The following CEP44 variants were observed in gnomAD, a reference collection of about 807,000 sequenced individuals.
The protein encoded by CEP44 is centrosomal protein 44.
A neutral mutation model predicts 46.7 loss-of-function variants in CEP44; 45 were observed. The observed-to-expected ratio is 0.96, with a 90% CI of 0.76 to 1.24. The LOEUF is 1.24. Ranked by LOEUF, CEP44 falls within the 50% of genes most tolerant of loss-of-function variation. CEP44 has a pLI of 0.00. For missense variants in CEP44, 475 were observed against 459.7 expected (o/e 1.03, Z -0.30); for synonymous variants, 142 against 146.0 (o/e 0.97, Z 0.20).
intron 6 of CEP44, among the ~76,000 whole-genome samples, chr4:174,304,956 T>C (rs1335772216): frequency 1.3e-5 from 2 of 152,238 alleles, no homozygotes; most frequent in Non-Finnish European, 2.9e-5. Flanking sequence ...TAAGGGAGAC[T>C]TAAGCTAAAA....
chr4:174,293,340 C>T (rs1738456948), intron 1 of CEP44, among the ~76,000 whole-genome samples: 1 of 152,158 alleles, frequency 6.6e-6, no homozygotes, highest in Non-Finnish European at 1.5e-5. Context: ...TCTTGGACTC[C>T]AGAAGGATGT....
chr4:174,304,144 C>A, intron 5 of CEP44, 103 bp from the exon 6 acceptor site: 2 of 1,286,714 alleles, frequency 1.6e-6, no homozygotes, highest in Non-Finnish European at 2.1e-6. Flanking sequence ...CATTATTTGT[C>A]AGCTATATTT....
At chr4:174,322,859 A>G (rs1318095101), downstream of CEP44, among the ~76,000 whole-genome samples, 1 of 152,184 alleles carries the variant, frequency 6.6e-6, no homozygotes, top group Non-Finnish European at 1.5e-5. Flanking sequence ...TAAATGTAGA[A>G]TATAGTATGT....
intron 1 of CEP44, among the ~76,000 whole-genome samples, chr4:174,296,522 C>G (rs72621998): frequency 0.18 from 27,167 of 151,924 alleles, 2,966 homozygotes; most frequent in East Asian, 0.58. Context: ...TTTATTTTTG[C>G]CATCATTTTC....
At chr4:174,284,303 G>A in intron 1 of CEP44, 1 of 372,860 alleles carries the variant, frequency 2.7e-6, no homozygotes, top group East Asian at 3.9e-5. Flanking sequence ...TACCCAACTA[G>A]TATATGCTTT....
chr4:174,328,109 AC>A (rs2126703279), intron 8 of CEP44, among the ~76,000 whole-genome samples: 1 of 152,340 alleles, frequency 6.6e-6, no homozygotes, highest in African/African-American at 2.4e-5. Flanking sequence ...AGAAAGCTTA[AC>A]TTAAACTGGC....
chr4:174,285,033 C>G (rs1737417252), intron 1 of CEP44, among the ~76,000 whole-genome samples: 1 of 152,310 alleles, frequency 6.6e-6, no homozygotes, highest in African/African-American at 2.4e-5. Context: ...CTAGAGTACA[C>G]TATTTTCACA....
In CEP44 at chr4:174,326,011, T is replaced by A. The variant is rs975026358; in HGVS notation, c.1087-5471T>A. 1.2e-4 allele frequency among the ~76,000 whole-genome samples: 18 copies of A among 152,162 alleles called. No homozygotes were observed. The highest frequency in any genetic ancestry group is 2.6e-4 in the Non-Finnish European group (18 of 68,012). On this transcript the variant is annotated intron_variant, in intron 8 of 8. Transcript: ENST00000426172. This position sits in a 1 kb window ranked among gnomAD's most constrained non-coding sequence, Gnocchi z 4.8. ...ATAACGTAATTTGGTCTTGCTCTTTTATCAAATCTAAAAATCTCTGGAATG... is the reference window on the plus strand; with the variant it reads ...ATAACGTAATTTGGTCTTGCTCTTTAATCAAATCTAAAAATCTCTGGAATG...
Position 174,286,298 on chromosome 4 carries a change from A to G in CEP44, c.-148+2355A>G, listed in dbSNP as rs531367190. Among the ~76,000 whole-genome samples the G allele has an allele frequency of 6.6e-6, 1 of 152,306 alleles. No individual in the cohort carries two copies. The highest frequency in any genetic ancestry group is 1.9e-4 in the East Asian group (1 of 5,176). On this transcript the variant is annotated intron_variant, in intron 1 of 11. Coordinates refer to ENST00000503780, the MANE Select transcript of CEP44 (RefSeq NM_001040157.3). The surrounding 1 kb of genome is among the most constrained non-coding windows in gnomAD (Gnocchi z 5.2). ...GTGACCTTCTTACCTTTCCTTATTTAAAGATAGAGAAACGGTGTGTAAAGG... is the reference window on the plus strand; with the variant it reads ...GTGACCTTCTTACCTTTCCTTATTTGAAGATAGAGAAACGGTGTGTAAAGG...
Position 174,318,598 on chromosome 4 carries a change from G to A in CEP44, c.*1215G>A. 1 of 765,024 alleles carries A rather than the reference G, an allele frequency of 1.3e-6. No individual in the cohort carries two copies. The highest frequency in any genetic ancestry group is 1.6e-6 in the Non-Finnish European group (1 of 630,224). 47.4% of individuals were successfully genotyped at this position (765,024 alleles called of 1,614,324 possible). On this transcript the variant is annotated 3_prime_UTR_variant, in exon 12 of 12. Transcript: ENST00000503780. ...GAAAATTGACTTCATTATTTGGAAG[G>A]AAAATTAGTATTTTTTTTAATATTA...
chr4:174,310,103 GTTT>G lies in CEP44; in HGVS notation c.885+54_885+56del. ...TATAAAATATCTCAGATATAACAAAGTTTTTTTTTGATTGTTATATGTGTATTT... is the reference window on the plus strand; with the variant it reads ...TATAAAATATCTCAGATATAACAAAGTTTTTTGATTGTTATATGTGTATTT... On this transcript the variant is annotated intron_variant, in intron 8 of 11. Coordinates refer to ENST00000503780, the MANE Select transcript of CEP44 (RefSeq NM_001040157.3). This position sits in a 1 kb window ranked among gnomAD's most constrained non-coding sequence, Gnocchi z 4.2. 6.6e-7 allele frequency: 1 copy of G among 1,517,648 alleles called. No individual in the cohort carries two copies. The highest frequency in any genetic ancestry group is 1.2e-5 in the South Asian group (1 of 80,052). The allele number at this position is 1,517,648 out of a possible 1,614,324, so 94.0% of individuals were successfully genotyped here.
chr4:174,322,276 C>T (rs1193514702), downstream of CEP44, among the ~76,000 whole-genome samples: 1 of 152,054 alleles, frequency 6.6e-6, no homozygotes, highest in Non-Finnish European at 1.5e-5. Flanking sequence ...ATATACTATG[C>T]TTTTCCACTT....
intron 9 of CEP44, among the ~76,000 whole-genome samples, chr4:174,315,946 G>A (rs939269332): frequency 6.6e-6 from 1 of 151,596 alleles, no homozygotes; most frequent in African/African-American, 2.4e-5. Flanking sequence ...TTGCTATCAT[G>A]ATAATAATAC....
chr4:174,299,663 C>G (rs1354274934), intron 3 of CEP44, among the ~76,000 whole-genome samples: 3 of 151,956 alleles, frequency 2.0e-5, no homozygotes, highest in Non-Finnish European at 2.9e-5. Context: ...ACATTTAAGT[C>G]GAGTGTTCTT....
At position 174,288,245 on chromosome 4, in the gene CEP44, T is replaced by G. The variant is rs1384952766; in HGVS notation, c.-148+4302T>G. The stretch of plus-strand genomic sequence containing the variant: ...CTACAAGAAATCAATGCCATCACCT[T>G]GAAAAGTTTCCTTCTACTCATCTTT... On this transcript the variant is annotated intron_variant, in intron 1 of 11. Transcript: ENST00000503780. This position sits in a 1 kb window ranked among gnomAD's most constrained non-coding sequence, Gnocchi z 4.6. Among the ~76,000 whole-genome samples the G allele has an allele frequency of 6.6e-6, 1 of 152,234 alleles. No homozygotes were observed. Among genetic ancestry groups the G allele is most frequent in the Non-Finnish European group, 1.5e-5 (1 of 68,028 alleles).
At chr4:174,300,918 C>G (rs530308667) in intron 3 of CEP44, among the ~76,000 whole-genome samples, 1 of 151,662 alleles carries the variant, frequency 6.6e-6, no homozygotes. Flanking sequence ...GTATAGTGTG[C>G]ATAAAATGGA....
rs1011815200 is a variant in CEP44 at position 174,319,904 on chromosome 4, T to A, written c.*2521T>A. 79 of 985,280 alleles carry A rather than the reference T, an allele frequency of 8.0e-5. No individual in the cohort carries two copies. Among genetic ancestry groups the A allele is most frequent in the Non-Finnish European group, 9.4e-5 (78 of 829,794 alleles). 61.0% of individuals were successfully genotyped at this position (985,280 alleles called of 1,614,324 possible). A position where few individuals can be genotyped will look rare whatever the true frequency, so the allele number is the denominator to read the frequency against. Reference sequence around the variant, plus strand: ...AGGCAATTTGGTAAGTGGTTTCTAGTTATAAACTAGCCACTGTTGATTAAC... The same window carrying A: ...AGGCAATTTGGTAAGTGGTTTCTAGATATAAACTAGCCACTGTTGATTAAC... On this transcript the variant is annotated 3_prime_UTR_variant, in exon 12 of 12. Transcript: ENST00000503780.
In CEP44 at chr4:174,286,471, A is replaced by C. The variant is rs1424045598; in HGVS notation, c.-148+2528A>C. Among the ~76,000 whole-genome samples the C allele has an allele frequency of 6.6e-6, 1 of 152,208 alleles. No individual in the cohort carries two copies. Among genetic ancestry groups the C allele is most frequent in the Non-Finnish European group, 1.5e-5 (1 of 68,024 alleles). On this transcript the variant is annotated intron_variant, in intron 1 of 11. Coordinates refer to ENST00000503780, the MANE Select transcript of CEP44 (RefSeq NM_001040157.3). The surrounding 1 kb of genome is among the most constrained non-coding windows in gnomAD (Gnocchi z 5.2). ...GATAACTTCATTTTAAAGGAGCTTC[A>C]TTCTCAAAGGGTTCATTACTCAAGG...
At chr4:174,298,331 A>G (rs1412367636) in intron 2 of CEP44, among the ~76,000 whole-genome samples, 2 of 150,668 alleles carry the variant, frequency 1.3e-5, no homozygotes, top group Non-Finnish European at 3.0e-5. Flanking sequence ...GCCTGCCACT[A>G]CGCCCGGCTA....
Sources: allele counts gnomAD v4.1 joint callset (sites outside exome capture counted in the v4.1 genomes callset), GRCh38; gene constraint gnomAD v4.1.1; non-coding constraint Gnocchi (gnomAD v3.1); transcripts MANE v1.5; gene names NCBI Gene and HGNC (gene_info 2026-07-23, HGNC 2026-07-21).